The following ATP1B1 variants were observed in gnomAD, a reference collection of about 807,000 sequenced individuals.
ATP1B1 encodes sodium/potassium-transporting ATPase subunit beta-1.
ATP1B1 carries 3 observed loss-of-function variants against 39.6 expected under a neutral mutation model. That is an observed-to-expected ratio of 0.08 (90% CI 0.03 to 0.20). The LOEUF is 0.20. Among genes scored for constraint, ATP1B1 ranks in the 10% least tolerant of loss-of-function variants. The pLI is 1.00. For missense variants in ATP1B1, 216 were observed against 371.1 expected (o/e 0.58, Z 3.43); for synonymous variants, 139 against 135.0 (o/e 1.03, Z -0.20).
rs1557954085 is a variant in ATP1B1, at chr1:169,131,605, T to A, written c.*50T>A. On this transcript the variant is annotated 3_prime_UTR_variant, in exon 6 of 6. Transcript: ENST00000367815. This position sits in a 1 kb window ranked among gnomAD's most constrained non-coding sequence, Gnocchi z 4.4. ...AGCCATTTAATAAGTTAAAAAAAGA[T>A]ACAAAAACAAAAACCTACTAGTCTT... 5 of 1,559,466 alleles carry A rather than the reference T, an allele frequency of 3.2e-6. No homozygotes were observed. The Admixed American group carries it at 6.0e-5, about 19-fold the overall frequency.
At chr1:169,128,692 ATTG>A (rs1275406994) in intron 4 of ATP1B1, among the ~76,000 whole-genome samples, 1 of 152,218 alleles carries the variant, frequency 6.6e-6, no homozygotes, top group African/African-American at 2.4e-5. Flanking sequence ...AGCAAAAGAA[ATTG>A]TTGTGGCATG....
intron 1 of ATP1B1, chr1:169,110,671 T>C (rs774488442): frequency 7.8e-7 from 1 of 1,288,038 alleles, no homozygotes; most frequent in South Asian, 1.2e-5. Context: ...CAGTCATTAT[T>C]CTTGTTCCAG....
chr1:169,129,361 T>C (rs1658157084), intron 4 of ATP1B1, among the ~76,000 whole-genome samples: 2 of 152,144 alleles, frequency 1.3e-5, no homozygotes, highest in African/African-American at 2.4e-5. Flanking sequence ...GGATATTTCA[T>C]GACAGCAGTA....
At chr1:169,130,526 C>T (rs1010614046) in intron 5 of ATP1B1, among the ~76,000 whole-genome samples, 1 of 152,038 alleles carries the variant, frequency 6.6e-6, no homozygotes, top group Non-Finnish European at 1.5e-5. Flanking sequence ...CAGTGGCTCA[C>T]GCCTGTAATC....
intron 1 of ATP1B1, among the ~76,000 whole-genome samples, chr1:169,107,206 C>A (rs1298158608): frequency 6.6e-6 from 1 of 152,158 alleles, no homozygotes; most frequent in Non-Finnish European, 1.5e-5. Flanking sequence ...TCTTTCCTAC[C>A]GTGCATCGGT....
At chr1:169,110,448 G>C (rs1354609093) in intron 1 of ATP1B1, among the ~76,000 whole-genome samples, 1 of 152,050 alleles carries the variant, frequency 6.6e-6, no homozygotes, top group African/African-American at 2.4e-5. Flanking sequence ...GAGTCGTTTG[G>C]CTGGCACAGG....
intron 1 of ATP1B1, among the ~76,000 whole-genome samples, chr1:169,108,767 A>G (rs1571217817): frequency 6.6e-6 from 1 of 152,334 alleles, no homozygotes; most frequent in African/African-American, 2.4e-5. Flanking sequence ...AGCTATCAGT[A>G]TGCTGATTTG....
At chr1:169,115,054 G>A (rs977024117) in intron 2 of ATP1B1, among the ~76,000 whole-genome samples, 1 of 151,558 alleles carries the variant, frequency 6.6e-6, no homozygotes, top group Admixed American at 6.6e-5. Context: ...TCGTAGTGGC[G>A]GGCACCTGTA....
Position 169,127,395 on chromosome 1 carries a change from G to A in ATP1B1, c.554G>A (p.Gly185Asp). The A allele has an allele frequency of 6.2e-7, 1 of 1,610,240 alleles. No homozygotes were observed. The highest frequency in any genetic ancestry group is 8.5e-7 in the Non-Finnish European group (1 of 1,179,104). The change falls in exon 4 of 6, where the codon GGC (glycine) becomes GAC (aspartate). Residue 185 changes from glycine to aspartate, a missense_variant. Gly to Asp is a moderately conservative substitution (Grantham distance 94). Transcript: ENST00000367815. ...CIIIKLNRVL[G>D]FKPKPPKNES... The stretch of plus-strand genomic sequence containing the variant: ...ATTATAAAGCTCAACCGAGTTCTAG[G>A]CTTCAAACCTAAGGCAAGTAATATT...
At position 169,124,999 on chromosome 1, in the gene ATP1B1, T is replaced by C. The variant is rs888278486; in HGVS notation, c.342T>C (p.Asp114=). Residue 114 remains aspartate (D), a synonymous_variant, in exon 3 of 6, where the codon GAT becomes GAC. Coordinates refer to ENST00000367815, the MANE Select transcript of ATP1B1 (RefSeq NM_001677.4). ...TTAGGTTCCTGGAAAAGTACAAAGA[T>C]TCAGCCCAGAGGGATGACATGATTT... The part of the protein sequence containing the change: ...NIVRFLEKYK[D]SAQRDDMIFE... 3 of 1,614,008 alleles carry C rather than the reference T, an allele frequency of 1.9e-6. No homozygotes were observed. Among genetic ancestry groups the C allele is most frequent in the Non-Finnish European group, 2.5e-6 (3 of 1,179,978 alleles).
chr1:169,110,509 G>A, intron 1 of ATP1B1: 1 of 563,666 alleles, frequency 1.8e-6, no homozygotes, highest in Non-Finnish European at 2.7e-6. Context: ...TAATCAGGGA[G>A]ATAATCCTTG....
At chr1:169,109,918 C>T (rs575637191) in intron 1 of ATP1B1, among the ~76,000 whole-genome samples, 24 of 152,216 alleles carry the variant, frequency 1.6e-4, no homozygotes, top group African/African-American at 5.5e-4. Context: ...CATTTGCCTA[C>T]TGCTGCTTGG....
At chr1:169,115,225 T>C (rs1305539431) in intron 2 of ATP1B1, among the ~76,000 whole-genome samples, 2 of 60,058 alleles carry the variant, frequency 3.3e-5, no homozygotes, top group Admixed American at 2.5e-4. Flanking sequence ...TGGGGAATCA[T>C]ATGCTCTGTG....
chr1:169,119,928 AG>A (rs918136321), intron 2 of ATP1B1, among the ~76,000 whole-genome samples: 1 of 152,004 alleles, frequency 6.6e-6, no homozygotes, highest in African/African-American at 2.4e-5. Flanking sequence ...ATCCTTTCAA[AG>A]GTCTTTCATC....
rs546847775 is a variant in ATP1B1, at chr1:169,116,194, C to G, written c.226+4696C>G. ...GCCCAGTGGTGTAATGGAAAAGTCT[C>G]TTCTTCACATCCGCCATTGCCCTTC... On this transcript the variant is annotated intron_variant, in intron 2 of 5. Transcript: ENST00000367815. Among the ~76,000 whole-genome samples, 3 of 152,374 alleles carry G rather than the reference C, an allele frequency of 2.0e-5. No homozygotes were observed. The South Asian group carries it at 6.2e-4, about 32-fold the overall frequency.
At chr1:169,109,649 G>C (rs1326480424) in intron 1 of ATP1B1, among the ~76,000 whole-genome samples, 1 of 152,098 alleles carries the variant, frequency 6.6e-6, no homozygotes, top group African/African-American at 2.4e-5. Context: ...TTAAACTGTA[G>C]CCTCAATTAT....
chr1:169,126,882 G>A (rs1189359512), intron 3 of ATP1B1, among the ~76,000 whole-genome samples: 1 of 152,182 alleles, frequency 6.6e-6, no homozygotes, highest in African/African-American at 2.4e-5. Context: ...TGCTACTCAC[G>A]CAGTGTGATC....
intron 2 of ATP1B1, among the ~76,000 whole-genome samples, chr1:169,122,936 C>T (rs890514944): frequency 1.3e-5 from 2 of 152,072 alleles, no homozygotes; most frequent in Non-Finnish European, 1.5e-5. Context: ...CTGGGCACCC[C>T]TGTGCCTTGC....
intron 2 of ATP1B1, among the ~76,000 whole-genome samples, chr1:169,118,256 G>C (rs3766033): frequency 0.07 from 10,643 of 152,286 alleles, 1,292 homozygotes; most frequent in East Asian, 0.6. Context: ...ATTTAGCTTA[G>C]ACAGGAGGAA....
Sources: gnomAD v4.1 joint callset for allele counts (sites outside exome capture counted in the v4.1 genomes callset) on GRCh38, gnomAD v4.1.1 for gene constraint, Gnocchi (gnomAD v3.1) non-coding constraint, MANE v1.5 for transcripts, NCBI Gene and HGNC (gene_info 2026-07-23, HGNC 2026-07-21) for gene names.